Variants in PIK3CB observed in about 807,000 individuals in gnomAD.
PIK3CB encodes the protein phosphatidylinositol 4,5-bisphosphate 3-kinase catalytic subunit beta isoform.
Under a neutral mutation model 136.8 loss-of-function variants are expected in PIK3CB, and 39 were observed. The observed-to-expected ratio is 0.29, with a 90% confidence interval of 0.22 to 0.37. The LOEUF (loss-of-function observed/expected upper bound fraction) is 0.37, where lower values mean the gene tolerates loss of function less well. PIK3CB is among the 10% of genes least tolerant of loss of function. The pLI is 1.00. For missense variants in PIK3CB, 868 were observed against 1,275.4 expected, an observed-to-expected ratio of 0.68 and a Z score of 4.87; for synonymous variants, 428 against 436.6, an observed-to-expected ratio of 0.98 and a Z score of 0.25.
In PIK3CB at chr3:138,759,174, T is replaced by C. The variant is rs751840740; in HGVS notation, c.170A>G (p.Gln57Arg). Reference sequence around the variant, plus strand: ...TAGAAATTATACCTATTAACATACCTGCTTAATATAAGAAATGGTAGCTTC... The same window carrying C: ...TAGAAATTATACCTATTAACATACCCGCTTAATATAAGAAATGGTAGCTTC... ...PREATISYIK[Q>R]MLWKQVHNYP... The change falls in exon 3 of 24, where the codon CAG (glutamine) becomes CGG (arginine). Residue 57 changes from glutamine to arginine, a missense_variant and splice_region_variant. Physicochemically the swap from Gln to Arg is conservative, Grantham distance 43. Coordinates refer to ENST00000674063, the MANE Select transcript of PIK3CB (RefSeq NM_006219.3). 1.9e-6 allele frequency: 3 copies of C among 1,597,586 alleles called. No individual in the cohort carries two copies. The African/African-American group carries it at 4.0e-5, about 21-fold the overall frequency.
chr3:138,754,662 T>C (rs2045532624), intron 4 of PIK3CB, among the ~76,000 whole-genome samples: 1 of 152,190 alleles, frequency 6.6e-6, no homozygotes, highest in Non-Finnish European at 1.5e-5. Context: ...TATTTTTAAA[T>C]ATCAGAGTAT....
intron 21 of PIK3CB, among the ~76,000 whole-genome samples, chr3:138,660,213 G>A (rs912871684): frequency 9.2e-5 from 14 of 152,008 alleles, no homozygotes; most frequent in African/African-American, 2.2e-4. Context: ...CACTCTATAA[G>A]GTTGTCATCA....
rs1361922316 is a variant in PIK3CB, at chr3:138,684,708, G to C, written c.2232C>G (p.Thr744=). 2 of 1,613,790 alleles carry C rather than the reference G, an allele frequency of 1.2e-6. No individual in the cohort carries two copies. The highest frequency in any genetic ancestry group is 1.7e-6 in the Non-Finnish European group (2 of 1,179,716). Residue 744 remains threonine, a synonymous_variant, in exon 17 of 24, where the codon ACC becomes ACG. Transcript: ENST00000674063. ...NRAKGKEAMH[T]CLKQSAYREA... Reference sequence around the variant, plus strand: ...CCCGGTAAGCACTCTGTTTTAAACAGGTATGCATGGCCTCCTTCCCTTTGG... The same window carrying C: ...CCCGGTAAGCACTCTGTTTTAAACACGTATGCATGGCCTCCTTCCCTTTGG...
At chr3:138,810,129 T>TA (rs1932948729) in intron 1 of PIK3CB, among the ~76,000 whole-genome samples, 1 of 152,182 alleles carries the variant, frequency 6.6e-6, no homozygotes, top group African/African-American at 2.4e-5. Flanking sequence ...AACAAAGTAA[T>TA]AAAGTATTGG....
chr3:138,828,346 C>G (rs1373236420), intron 1 of PIK3CB, among the ~76,000 whole-genome samples: 1 of 151,282 alleles, frequency 6.6e-6, no homozygotes, highest in Non-Finnish European at 1.5e-5. Context: ...CCACCACGCC[C>G]GGCTAATTTT....
At chr3:138,667,443 G>A (rs2043436997) in intron 19 of PIK3CB, among the ~76,000 whole-genome samples, 1 of 152,024 alleles carries the variant, frequency 6.6e-6, no homozygotes, top group South Asian at 2.1e-4. Flanking sequence ...GTGGGGAGGA[G>A]GGAGTATATG....
chr3:138,664,544 G>A (rs531952567), intron 20 of PIK3CB, among the ~76,000 whole-genome samples: 1 of 152,316 alleles, frequency 6.6e-6, no homozygotes, highest in Non-Finnish European at 1.5e-5. Flanking sequence ...GATAAAATGT[G>A]TCTGACTCTG....
At chr3:138,739,914 A>T (rs114362318) in intron 5 of PIK3CB, among the ~76,000 whole-genome samples, 4,850 of 150,758 alleles carry the variant, frequency 0.032, 248 homozygotes, top group African/African-American at 0.11. Context: ...AATAAAAAAA[A>T]AAAAAATAAA....
At position 138,781,084 on chromosome 3, in the gene PIK3CB, G is replaced by A. The variant is rs375343077; in HGVS notation, c.-17+15379C>T. On this transcript the variant is annotated intron_variant, in intron 2 of 23. Coordinates refer to ENST00000674063, the MANE Select transcript of PIK3CB (RefSeq NM_006219.3). Reference sequence around the variant, plus strand: ...GCAGGAGAATCGCTTCAGCCCAGGAGCTCAAGGCCAACCTAAGCAACACAG... The same window carrying A: ...GCAGGAGAATCGCTTCAGCCCAGGAACTCAAGGCCAACCTAAGCAACACAG... Among the ~76,000 whole-genome samples the A allele has an allele frequency of 1.2e-4, 19 of 152,238 alleles. No individual in the cohort carries two copies. The East Asian group carries it at 3.3e-3, about 26-fold the overall frequency.
chr3:138,821,456 T>C (rs1420676308), intron 1 of PIK3CB, among the ~76,000 whole-genome samples: 1 of 151,726 alleles, frequency 6.6e-6, no homozygotes, highest in African/African-American at 2.4e-5. Flanking sequence ...GTGAGCAAAA[T>C]GAAGACCTAA....
chr3:138,724,995 G>A (rs1278399775), intron 8 of PIK3CB, among the ~76,000 whole-genome samples: 1 of 151,958 alleles, frequency 6.6e-6, no homozygotes, highest in East Asian at 1.9e-4. Flanking sequence ...ATAAAAAGAG[G>A]AAAATACGGG....
chr3:138,764,947 G>A (rs979624047), intron 2 of PIK3CB, among the ~76,000 whole-genome samples: 1 of 152,122 alleles, frequency 6.6e-6, no homozygotes, highest in African/African-American at 2.4e-5. Flanking sequence ...ATTATTTCTA[G>A]CTCTTTAGCT....
At chr3:138,813,696 C>T (rs749800065) in intron 1 of PIK3CB, among the ~76,000 whole-genome samples, 6 of 151,884 alleles carry the variant, frequency 4.0e-5, no homozygotes, top group South Asian at 4.2e-4. Flanking sequence ...GGATTACAGG[C>T]GTGAGCCACC....
intron 12 of PIK3CB, among the ~76,000 whole-genome samples, chr3:138,703,126 T>C (rs987696892): frequency 2.0e-5 from 3 of 152,160 alleles, no homozygotes; most frequent in African/African-American, 7.2e-5. Flanking sequence ...GAGCCTTTCG[T>C]AAACTGTAAA....
intron 1 of PIK3CB, among the ~76,000 whole-genome samples, chr3:138,808,553 C>T (rs960635891): frequency 6.6e-6 from 1 of 151,956 alleles, no homozygotes; most frequent in Non-Finnish European, 1.5e-5. Flanking sequence ...TGGGAATGCA[C>T]ACCTGTAGTC....
intron 2 of PIK3CB, among the ~76,000 whole-genome samples, chr3:138,776,917 T>C (rs168633): frequency 0.64 from 79,943 of 125,770 alleles, 24,627 homozygotes; most frequent in East Asian, 0.98. Flanking sequence ...AGTGAGACTC[T>C]ACCTCAAAAA....
At chr3:138,782,452 G>C (rs1191257917) in intron 2 of PIK3CB, among the ~76,000 whole-genome samples, 1 of 152,200 alleles carries the variant, frequency 6.6e-6, no homozygotes, top group African/African-American at 2.4e-5. Context: ...CCTGAGTATA[G>C]ATCCCTTTTC....
chr3:138,772,720 T>G (rs1189618115), intron 2 of PIK3CB, among the ~76,000 whole-genome samples: 1 of 149,872 alleles, frequency 6.7e-6, no homozygotes, highest in Non-Finnish European at 1.5e-5. Context: ...GCAATCCTCC[T>G]ACCTCGGTCT....
chr3:138,756,862 C>G (rs35851894), intron 3 of PIK3CB, among the ~76,000 whole-genome samples: 9 of 152,000 alleles, frequency 5.9e-5, no homozygotes, highest in Non-Finnish European at 1.3e-4. Flanking sequence ...AACTTCTGTA[C>G]AGCAAAAGAC....
Sources: allele counts gnomAD v4.1 joint callset (sites outside exome capture counted in the v4.1 genomes callset), GRCh38; gene constraint gnomAD v4.1.1; transcripts MANE v1.5; gene names NCBI Gene and HGNC (gene_info 2026-07-23, HGNC 2026-07-21).